The following PRAC2 variants were observed in gnomAD, a reference collection of about 807,000 sequenced individuals.
The protein encoded by PRAC2 is protein PRAC2.
For missense variants in PRAC2, 92 were observed against 114.5 expected (o/e 0.80, Z 0.90); for synonymous variants, 43 against 49.5 (o/e 0.87, Z 0.55).
upstream of PRAC2, chr17:48,721,998 T>A: frequency 7.7e-7 from 1 of 1,297,572 alleles, no homozygotes; most frequent in Non-Finnish European, 1.0e-6. Flanking sequence ...AGACAAACAT[T>A]AAGTCTTATG....
At chr17:48,722,407 C>G, upstream of PRAC2, 1 of 1,613,418 alleles carries the variant, frequency 6.2e-7, no homozygotes. Flanking sequence ...GTTCTCTCTG[C>G]AAAGGTGGGG....
At chr17:48,721,736 A>AT (rs999269722), upstream of PRAC2, 1 of 1,359,154 alleles carries the variant, frequency 7.4e-7, no homozygotes, top group Non-Finnish European at 9.6e-7. Context: ...TTTTAAAAAA[A>AT]TTTTATTGTA....
chr17:48,718,697 G>T (rs1479511235), upstream of PRAC2, among the ~76,000 whole-genome samples: 1 of 152,186 alleles, frequency 6.6e-6, no homozygotes, highest in Non-Finnish European at 1.5e-5. Context: ...TTTCCCCGAA[G>T]GTCAGACAAA....
chr17:48,722,650 A>AGCCTCCTC, upstream of PRAC2: 1 of 482,990 alleles, frequency 2.1e-6, no homozygotes, highest in Non-Finnish European at 3.8e-6. Context: ...TCCTCCCAGC[A>AGCCTCCTC]GCCTCCTCGC....
upstream of PRAC2, among the ~76,000 whole-genome samples, chr17:48,719,619 G>C (rs1194506640): frequency 6.6e-6 from 1 of 152,206 alleles, no homozygotes; most frequent in African/African-American, 2.4e-5. Context: ...GTTTGTGTAC[G>C]CATCTGTTTA....
rs968780923 is a variant in PRAC2, at chr17:48,724,382, A to G, written c.-29A>G. On this transcript the variant is annotated 5_prime_UTR_variant, in exon 2 of 2. Coordinates refer to ENST00000422730, the MANE Select transcript of PRAC2 (RefSeq NM_001282275.2). ...GTGTGTGGGGGGGTCCACACCACTAATTATTATGGCGAGGAAGATAAAGAA... is the reference window on the plus strand; with the variant it reads ...GTGTGTGGGGGGGTCCACACCACTAGTTATTATGGCGAGGAAGATAAAGAA... 1 of 1,234,246 alleles carries G rather than the reference A, an allele frequency of 8.1e-7. No individual in the cohort carries two copies. Among genetic ancestry groups the G allele is most frequent in the African/African-American group, 1.6e-5 (1 of 64,500 alleles). The allele number at this position is 1,234,246 out of a possible 1,614,324, so 76.5% of individuals were successfully genotyped here. A position where few individuals can be genotyped will look rare whatever the true frequency, so the allele number is the denominator to read the frequency against.
upstream of PRAC2, among the ~76,000 whole-genome samples, chr17:48,719,870 G>A (rs1251749912): frequency 1.3e-5 from 2 of 152,116 alleles, no homozygotes; most frequent in Non-Finnish European, 2.9e-5. Flanking sequence ...TCGCGTTTCG[G>A]GTCGCTCCAC....
chr17:48,721,396 G>T (rs1232610946), upstream of PRAC2, among the ~76,000 whole-genome samples: 1 of 152,180 alleles, frequency 6.6e-6, no homozygotes, highest in Non-Finnish European at 1.5e-5. Flanking sequence ...CATAATCTCA[G>T]CTCACTGCAA....
chr17:48,719,446 TC>T (rs61667834), upstream of PRAC2, among the ~76,000 whole-genome samples: 4,266 of 152,084 alleles, frequency 0.028, 84 homozygotes, highest in East Asian at 0.092. Context: ...CCCGCGGGGC[TC>T]GGCAGCCGCC....
chr17:48,722,598 C>G, upstream of PRAC2: 1 of 566,090 alleles, frequency 1.8e-6, no homozygotes, highest in Non-Finnish European at 3.2e-6. Context: ...GTTGGTGGCT[C>G]CCCACCTCAT....
chr17:48,721,828 C>A (rs1466454435), upstream of PRAC2: 2 of 1,542,752 alleles, frequency 1.3e-6, no homozygotes, highest in East Asian at 4.9e-5. Context: ...CTCGGCCTCC[C>A]GAAATTCCAG....
rs2038164450 is a variant in PRAC2 at position 48,723,199 on chromosome 17, C to A, written c.-198C>A. 5 of 152,534 alleles carry A rather than the reference C, an allele frequency of 3.3e-5. No individual in the cohort carries two copies. Among genetic ancestry groups the A allele is most frequent in the Admixed American group, 2.6e-4 (4 of 15,312 alleles). The allele number at this position is 152,534 out of a possible 1,614,324, so 9.4% of individuals were successfully genotyped here. On this transcript the variant is annotated 5_prime_UTR_variant, in exon 1 of 2. Transcript: ENST00000422730. The stretch of plus-strand genomic sequence containing the variant: ...GGGCCGCTCCCGAGCTTTCTCCCCT[C>A]TTCCCTGGAGAGCGACTGTTCGGGA...
chr17:48,722,397 G>C (rs995902775), upstream of PRAC2: 4 of 1,613,846 alleles, frequency 2.5e-6, no homozygotes, highest in African/African-American at 5.3e-5. Flanking sequence ...CAACATCGCT[G>C]TTCTCTCTGC....
upstream of PRAC2, among the ~76,000 whole-genome samples, chr17:48,721,152 T>A (rs1164428148): frequency 6.6e-6 from 1 of 152,042 alleles, no homozygotes; most frequent in Non-Finnish European, 1.5e-5. Flanking sequence ...ATATCAGTGG[T>A]TGGCTGAAGA....
chr17:48,722,405 T>C, upstream of PRAC2: 2 of 1,613,538 alleles, frequency 1.2e-6, no homozygotes, highest in Non-Finnish European at 1.7e-6. Flanking sequence ...CTGTTCTCTC[T>C]GCAAAGGTGG....
upstream of PRAC2, among the ~76,000 whole-genome samples, chr17:48,720,225 C>A (rs1264245453): frequency 6.6e-6 from 1 of 152,236 alleles, no homozygotes; most frequent in African/African-American, 2.4e-5. Flanking sequence ...TCTGAGTGGG[C>A]AAGGGGACGT....
At chr17:48,719,192 C>G (rs557388138), upstream of PRAC2, among the ~76,000 whole-genome samples, 2 of 144,366 alleles carry the variant, frequency 1.4e-5, no homozygotes, top group Non-Finnish European at 1.5e-5. Context: ...TTTAAACACA[C>G]TCGCACGCGC....
At chr17:48,723,791 C>A in intron 1 of PRAC2, 1 of 1,228,474 alleles carries the variant, frequency 8.1e-7, no homozygotes, top group Non-Finnish European at 1.0e-6. Flanking sequence ...ACGCATTGCG[C>A]CACTACTCCC....
chr17:48,721,744 G>A (rs770542790), upstream of PRAC2: 23 of 1,417,804 alleles, frequency 1.6e-5, no homozygotes, highest in Non-Finnish European at 1.9e-5. Flanking sequence ...AAATTTTATT[G>A]TATAAATAGA....
Sources: gnomAD v4.1 joint callset for allele counts (sites outside exome capture counted in the v4.1 genomes callset) on GRCh38, gnomAD v4.1.1 for gene constraint, MANE v1.5 for transcripts, NCBI Gene and HGNC (gene_info 2026-07-23, HGNC 2026-07-21) for gene names.